Variants in KIAA1328 observed in about 807,000 individuals in gnomAD.
The protein encoded by KIAA1328 is KIAA1328.
In KIAA1328, 52 loss-of-function variants were observed where a neutral mutation model predicts 68.1. That is an observed-to-expected ratio of 0.76 (90% CI 0.61 to 0.96). The LOEUF (loss-of-function observed/expected upper bound fraction) is 0.96. Among genes scored for constraint, KIAA1328 ranks in the 40% least tolerant of loss-of-function variants. The pLI is 0.00. For missense variants in KIAA1328, 641 were observed against 677.6 expected (o/e 0.95, Z 0.60); for synonymous variants, 232 against 239.4 (o/e 0.97, Z 0.28).
chr18:36,845,818 C>G (rs984077036), intron 4 of KIAA1328, among the ~76,000 whole-genome samples: 77 of 151,786 alleles, frequency 5.1e-4, no homozygotes, highest in Non-Finnish European at 1.1e-3. Flanking sequence ...TAAGGTAATT[C>G]TGTAGGAAGT....
chr18:36,902,603 T>C (rs2049078473), intron 5 of KIAA1328, among the ~76,000 whole-genome samples: 1 of 152,144 alleles, frequency 6.6e-6, no homozygotes, highest in South Asian at 2.1e-4. Flanking sequence ...TGTATGTTTT[T>C]TGTAAAGTTA....
intron 6 of KIAA1328, among the ~76,000 whole-genome samples, chr18:37,032,872 C>G (rs911027227): frequency 6.6e-6 from 1 of 152,100 alleles, no homozygotes; most frequent in South Asian, 2.1e-4. Context: ...AACTCCTGAC[C>G]TCAGGCGATC....
At chr18:36,887,459 G>GT (rs2048538639) in intron 5 of KIAA1328, among the ~76,000 whole-genome samples, 1 of 151,848 alleles carries the variant, frequency 6.6e-6, no homozygotes, top group African/African-American at 2.4e-5. Flanking sequence ...ATTCTCTCAG[G>GT]TTTTTTTAAT....
rs769501238 is a variant in KIAA1328, at chr18:37,067,123, T to C, written c.810T>C (p.Asn270=). The change falls in exon 7 of 10, where the codon AAT becomes AAC. Residue 270 remains asparagine, a synonymous_variant. Transcript: ENST00000280020. The part of the protein sequence containing the change: ...DKIPSETTTC[N]CESPGRKPAV... ...TACCATCAGAGACCACAACATGTAA[T>C]TGTGAATCTCCAGGGAGAAAACCTG... 6.8e-6 allele frequency: 11 copies of C among 1,613,876 alleles called. No homozygotes were observed. The highest frequency in any genetic ancestry group is 1.3e-5 in the African/African-American group (1 of 74,918).
chr18:37,017,624 G>A (rs2054196722), intron 6 of KIAA1328, among the ~76,000 whole-genome samples: 1 of 152,118 alleles, frequency 6.6e-6, no homozygotes, highest in African/African-American at 2.4e-5. Context: ...AGAAGTACTT[G>A]TTTTTGTGAA....
chr18:36,988,673 T>A (rs879284112), intron 6 of KIAA1328, among the ~76,000 whole-genome samples: 8 of 152,224 alleles, frequency 5.3e-5, no homozygotes, highest in South Asian at 2.1e-4. Context: ...TCTTTCAGAA[T>A]GCCAGTTAAG....
At chr18:36,913,076 G>A (rs1299580501) in intron 5 of KIAA1328, among the ~76,000 whole-genome samples, 2 of 152,170 alleles carry the variant, frequency 1.3e-5, no homozygotes, top group African/African-American at 4.8e-5. Flanking sequence ...GGTGGCACAT[G>A]TTTGTGGCTG....
chr18:37,058,518 GC>G (rs2056014073), intron 6 of KIAA1328, among the ~76,000 whole-genome samples: 1 of 152,070 alleles, frequency 6.6e-6, no homozygotes. Flanking sequence ...TTTGAGACCA[GC>G]CTGGGCAACA....
chr18:37,145,544 A>G (rs1476013112), intron 7 of KIAA1328, among the ~76,000 whole-genome samples: 1 of 152,196 alleles, frequency 6.6e-6, no homozygotes, highest in African/African-American at 2.4e-5. Flanking sequence ...AACTGATAAA[A>G]AAGAAATGTT....
At chr18:36,988,374 C>A (rs2053031274) in intron 6 of KIAA1328, among the ~76,000 whole-genome samples, 1 of 152,154 alleles carries the variant, frequency 6.6e-6, no homozygotes, top group Non-Finnish European at 1.5e-5. Flanking sequence ...AGATGTTGTG[C>A]AAACTTCATT....
rs2150762956 is a variant in KIAA1328, at chr18:36,834,307, T to C, written c.59-13T>C. Reference sequence around the variant, plus strand: ...TAATATTATTGTATTTTCCTTCATGTTCTCCTGCGTAGTTTCTGATGAAGA... The same window carrying C: ...TAATATTATTGTATTTTCCTTCATGCTCTCCTGCGTAGTTTCTGATGAAGA... On this transcript the variant is annotated splice_polypyrimidine_tract_variant and intron_variant, in intron 1 of 9. Transcript: ENST00000280020. 2 of 1,568,130 alleles carry C rather than the reference T, an allele frequency of 1.3e-6. No individual in the cohort carries two copies. The highest frequency in any genetic ancestry group is 1.7e-6 in the Non-Finnish European group (2 of 1,157,844).
intron 7 of KIAA1328, among the ~76,000 whole-genome samples, chr18:37,096,876 TG>T (rs2057426026): frequency 6.6e-6 from 1 of 152,232 alleles, no homozygotes; most frequent in Non-Finnish European, 1.5e-5. Flanking sequence ...TGTCTTCTTT[TG>T]AGAAGTGTCT....
chr18:36,958,729 G>T (rs1273017151), intron 5 of KIAA1328, among the ~76,000 whole-genome samples: 2 of 151,972 alleles, frequency 1.3e-5, no homozygotes, highest in Non-Finnish European at 2.9e-5. Context: ...ATATATTCTG[G>T]ACACAAATTC....
At chr18:37,098,437 GTGGATAAGC>G (rs1228113289) in intron 7 of KIAA1328, among the ~76,000 whole-genome samples, 1 of 152,194 alleles carries the variant, frequency 6.6e-6, no homozygotes, top group African/African-American at 2.4e-5. Context: ...CTTGATCATG[GTGGATAAGC>G]TTTTTGATGT....
intron 6 of KIAA1328, among the ~76,000 whole-genome samples, chr18:36,979,916 A>G (rs9948487): frequency 0.6 from 90,600 of 151,994 alleles, 28,859 homozygotes; most frequent in East Asian, 0.87. Context: ...CATTATTGAG[A>G]GGTGGAGCTT....
At chr18:37,095,809 A>G (rs2057388568) in intron 7 of KIAA1328, among the ~76,000 whole-genome samples, 1 of 152,234 alleles carries the variant, frequency 6.6e-6, no homozygotes, top group Non-Finnish European at 1.5e-5. Context: ...TGAAAAAGAC[A>G]TTACAACTGA....
At chr18:36,971,814 A>G (rs567848749) in intron 6 of KIAA1328, among the ~76,000 whole-genome samples, 14 of 152,210 alleles carry the variant, frequency 9.2e-5, no homozygotes, top group Admixed American at 5.2e-4. Context: ...ATAAGAATAT[A>G]TGGACCCAAA....
intron 7 of KIAA1328, among the ~76,000 whole-genome samples, chr18:37,139,969 A>G (rs1265849088): frequency 2.0e-5 from 3 of 152,218 alleles, no homozygotes; most frequent in African/African-American, 2.4e-5. Context: ...CATGCATACT[A>G]AAACCTAGCT....
chr18:36,906,964 CAA>C (rs948773482), intron 5 of KIAA1328, among the ~76,000 whole-genome samples: 2 of 152,028 alleles, frequency 1.3e-5, no homozygotes, highest in Non-Finnish European at 2.9e-5. Flanking sequence ...GTACATCTCT[CAA>C]GTTATTTAGA....
Sources: allele counts gnomAD v4.1 joint callset (sites outside exome capture counted in the v4.1 genomes callset), GRCh38; gene constraint gnomAD v4.1.1; transcripts MANE v1.5; gene names NCBI Gene and HGNC (gene_info 2026-07-23, HGNC 2026-07-21).